The following SYNJ1 variants were observed in gnomAD, a reference collection of about 807,000 sequenced individuals.
SYNJ1 encodes polyphosphatidylinositol phosphatase SYNJ1.
Under a neutral mutation model 168.2 loss-of-function variants are expected in SYNJ1, and 78 were observed. The observed-to-expected ratio is 0.46, with a 90% CI of 0.39 to 0.56. The LOEUF (loss-of-function observed/expected upper bound fraction) is 0.56, where lower values mean the gene tolerates loss of function less well. Among genes scored for constraint, SYNJ1 ranks in the 20% least tolerant of loss-of-function variants. SYNJ1 has a pLI of 0.00. For missense variants in SYNJ1, 1,303 were observed against 1,597.6 expected (o/e 0.82, Z 3.14); for synonymous variants, 539 against 548.6 (o/e 0.98, Z 0.24).
At chr21:32,703,569 T>C (rs1180792444) in intron 2 of SYNJ1, among the ~76,000 whole-genome samples, 3 of 152,204 alleles carry the variant, frequency 2.0e-5, no homozygotes, top group East Asian at 3.8e-4. Flanking sequence ...GGATAAATAT[T>C]ATTCTAGAGG....
At chr21:32,652,600 G>A (rs2040313616) in intron 22 of SYNJ1, among the ~76,000 whole-genome samples, 1 of 152,178 alleles carries the variant, frequency 6.6e-6, no homozygotes. Flanking sequence ...GCAGGAATCA[G>A]GCCTAGAGTA....
chr21:32,657,037 A>G lies in SYNJ1; in HGVS notation c.2545T>C (p.Tyr849His), dbSNP rs1002268753. The G allele has an allele frequency of 6.2e-7, 1 of 1,614,208 alleles. No homozygotes were observed. The highest frequency in any genetic ancestry group is 8.5e-7 in the Non-Finnish European group (1 of 1,180,034). ...GAAGTCTTCAGCTCAGCTCTTCCAT[A>G]GTGCAGCAAAGTGCCTGGAGTCCAC... is the stretch of plus-strand genomic sequence containing the variant. ...YTWTPGTLLHYGRAELKTSDH... is the reference protein window; with the variant it reads ...YTWTPGTLLHHGRAELKTSDH... The change falls in exon 20 of 33, where the codon TAT becomes CAT. Residue 849 changes from tyrosine to histidine, a missense_variant. By Grantham distance (83) the Tyr-to-His change is moderately conservative. This residue lies in a region of SYNJ1 where 920 missense variants were observed against 1,208.8 expected (regional missense o/e 0.76). Transcript: ENST00000674351.
At chr21:32,660,646 T>C (rs1027494637) in intron 18 of SYNJ1, among the ~76,000 whole-genome samples, 2 of 152,264 alleles carry the variant, frequency 1.3e-5, no homozygotes, top group African/African-American at 4.8e-5. Flanking sequence ...AGCCAAACCA[T>C]TGCCACAGGG....
chr21:32,696,684 G>A (rs180870391), intron 4 of SYNJ1, among the ~76,000 whole-genome samples: 1 of 152,202 alleles, frequency 6.6e-6, no homozygotes, highest in Non-Finnish European at 1.5e-5. Flanking sequence ...TATAAAAGAT[G>A]TAATAGCATT....
intron 15 of SYNJ1, 85 bp downstream of exon 15, chr21:32,670,203 T>C (rs2041134300): frequency 1.8e-6 from 2 of 1,099,034 alleles, no homozygotes; most frequent in Admixed American, 2.1e-5. Context: ...TTTCAAACTA[T>C]CCTTGTAACA....
In SYNJ1 at chr21:32,656,681, T is replaced by C. The variant is rs751924081; in HGVS notation, c.2795+6A>G. On this transcript the variant is annotated splice_donor_region_variant and intron_variant, in intron 21 of 32. Transcript: ENST00000674351. ...ACAAGCTACTTTTGCATAATAAACA[T>C]CTTACCTTATAAGTATAACTTCACC... is the stretch of plus-strand genomic sequence containing the variant. 2 of 1,608,226 alleles carry C rather than the reference T, an allele frequency of 1.2e-6. No individual in the cohort carries two copies. The highest frequency in any genetic ancestry group is 2.2e-5 in the South Asian group (2 of 90,384).
intron 10 of SYNJ1, 147 bp downstream of exon 10, chr21:32,683,891 G>T: frequency 3.2e-6 from 2 of 622,090 alleles, no homozygotes; most frequent in Non-Finnish European, 5.4e-6. Context: ...AGAAAGTTTG[G>T]CCAAAAAAAG....
chr21:32,702,367 C>G (rs1729382312), intron 2 of SYNJ1, among the ~76,000 whole-genome samples: 1 of 152,154 alleles, frequency 6.6e-6, no homozygotes, highest in South Asian at 2.1e-4. Context: ...CAACACTTGA[C>G]TACACAAATG....
In SYNJ1 at chr21:32,630,970, AC is replaced by A. The variant is rs1372960214; in HGVS notation, c.*834del. On this transcript the variant is annotated 3_prime_UTR_variant, in exon 33 of 33. Coordinates refer to ENST00000674351, the MANE Select transcript of SYNJ1 (RefSeq NM_203446.3). ...TAGCTCTATCCTGCCAAAAGCAAGT[AC>A]CCACTGTTTTCTATTGCATGGCGTT... 1 of 1,591,500 alleles carries A rather than the reference AC, an allele frequency of 6.3e-7. No homozygotes were observed. The highest frequency in any genetic ancestry group is 1.3e-5 in the African/African-American group (1 of 74,086).
At position 32,639,732 on chromosome 21, in the gene SYNJ1, C is replaced by T. The variant is rs576444776; in HGVS notation, c.3636G>A (p.Ala1212=). 3.7e-5 allele frequency: 60 copies of T among 1,613,950 alleles called. No individual in the cohort carries two copies. The highest frequency in any genetic ancestry group is 2.0e-4 in the Admixed American group (12 of 59,992). ...AGVISAPQSH[A]RASAGRLTPE... is the part of the protein sequence containing the mutation. ...GAGTCAGTCTTCCAGCAGATGCCCG[C>T]GCGTGGCTCTGTGGGGCACTGATAA... Residue 1212 remains alanine (A), a synonymous_variant, in exon 30 of 33, where the codon GCG becomes GCA. Coordinates refer to ENST00000674351, the MANE Select transcript of SYNJ1 (RefSeq NM_203446.3).
At chr21:32,662,571 T>C (rs1354741894) in intron 18 of SYNJ1, among the ~76,000 whole-genome samples, 1 of 152,158 alleles carries the variant, frequency 6.6e-6, no homozygotes, top group East Asian at 1.9e-4. Flanking sequence ...GATACAAGTA[T>C]TAGCCAAAAC....
At chr21:32,663,456 C>G (rs549856180) in intron 18 of SYNJ1, among the ~76,000 whole-genome samples, 19 of 152,238 alleles carry the variant, frequency 1.2e-4, no homozygotes, top group Non-Finnish European at 2.1e-4. Context: ...ACTGGACAGC[C>G]CCCACTGGAT....
At chr21:32,702,086 A>G in intron 2 of SYNJ1, 39 bp from the exon 3 acceptor site, 1 of 1,404,146 alleles carries the variant, frequency 7.1e-7, no homozygotes, top group Non-Finnish European at 9.9e-7. Flanking sequence ...AATGACCTGA[A>G]ACATTGGATT....
chr21:32,670,483 G>A (rs1230110803), intron 14 of SYNJ1, 111 bp from the exon 15 acceptor site: 4 of 817,316 alleles, frequency 4.9e-6, no homozygotes, highest in Non-Finnish European at 7.5e-6. Flanking sequence ...TGTGTTTTGA[G>A]TTTAACCAAA....
At chr21:32,672,273 A>G (rs979699514) in intron 14 of SYNJ1, among the ~76,000 whole-genome samples, 1 of 152,046 alleles carries the variant, frequency 6.6e-6, no homozygotes, top group African/African-American at 2.4e-5. Context: ...AAGGAATTAA[A>G]GTTAATTTTT....
intron 2 of SYNJ1, among the ~76,000 whole-genome samples, chr21:32,710,868 T>A (rs1327161280): frequency 6.6e-6 from 1 of 152,176 alleles, no homozygotes; most frequent in Non-Finnish European, 1.5e-5. Context: ...TAAATATTGT[T>A]ATACCCTGCC....
intron 2 of SYNJ1, among the ~76,000 whole-genome samples, chr21:32,708,227 G>A (rs1214430437): frequency 6.6e-6 from 1 of 152,206 alleles, no homozygotes; most frequent in Non-Finnish European, 1.5e-5. Context: ...AAGTGGCAGG[G>A]TGTGTGGGGA....
rs2041278658 is a variant in SYNJ1 at position 32,673,371 on chromosome 21, T to C, written c.1695A>G (p.Ala565=). ...ACTCCTGGATGCCAGCTAACTTGGG[T>C]GCATCAAGAAGCCAGTCAGTGAGTG... is the stretch of plus-strand genomic sequence containing the variant. ...NQTLTDWLLD[A]PKLAGIQEFQ... The change falls in exon 14 of 33, where the codon GCA becomes GCG. Residue 565 remains alanine, a synonymous_variant. Coordinates refer to ENST00000674351, the MANE Select transcript of SYNJ1 (RefSeq NM_203446.3). The C allele has an allele frequency of 6.2e-7, 1 of 1,611,630 alleles. No homozygotes were observed.
At chr21:32,693,145 G>C (rs1401731721) in intron 6 of SYNJ1, among the ~76,000 whole-genome samples, 1 of 152,138 alleles carries the variant, frequency 6.6e-6, no homozygotes, top group Non-Finnish European at 1.5e-5. Context: ...TCTAACACTA[G>C]CCTGTCCCTA....
Sources: allele counts gnomAD v4.1 joint callset (sites outside exome capture counted in the v4.1 genomes callset), GRCh38; gene constraint gnomAD v4.1.1; regional missense constraint gnomAD v4.1.1; transcripts MANE v1.5; gene names NCBI Gene and HGNC (gene_info 2026-07-23, HGNC 2026-07-21).